The following FOXP2 variants were observed in gnomAD, a reference collection of about 807,000 sequenced individuals.
FOXP2 encodes the protein forkhead box protein P2.
Under a neutral mutation model 115.8 loss-of-function variants are expected in FOXP2, and 12 were observed. The ratio of observed to expected loss-of-function variants is 0.10; its 90% CI spans 0.07 to 0.17. FOXP2 has a LOEUF of 0.17. Ranked by LOEUF, FOXP2 falls within the 10% of genes least tolerant of loss-of-function variation. The pLI is 1.00. For synonymous variants in FOXP2, 328 were observed against 297.7 expected (o/e 1.10, Z -1.05); for missense variants, 629 against 843.5 (o/e 0.75, Z 3.15).
chr7:114,593,868 G>A lies in FOXP2; in HGVS notation c.259-34672G>A, dbSNP rs543541940. On this transcript the variant is annotated intron_variant, in intron 3 of 16. Coordinates refer to ENST00000350908, the MANE Select transcript of FOXP2 (RefSeq NM_014491.4). ...TATATGATGCTAAAAATGTATAGAC[G>A]CTAAATAAATATTTATTAGTTGATT... Among the ~76,000 whole-genome samples the A allele has an allele frequency of 5.9e-5, 9 of 152,014 alleles. No homozygotes were observed. In the South Asian group the frequency reaches 6.2e-4, roughly 11 times the overall value.
At chr7:114,289,618 T>C (rs1225251297) in intron 2 of FOXP2, among the ~76,000 whole-genome samples, 1 of 151,866 alleles carries the variant, frequency 6.6e-6, no homozygotes, top group Non-Finnish European at 1.5e-5. Flanking sequence ...CAGGAAAGAA[T>C]GAATCATGGA....
intron 2 of FOXP2, among the ~76,000 whole-genome samples, chr7:114,353,598 T>C (rs117497463): frequency 0.01 from 1,541 of 152,220 alleles, 12 homozygotes; most frequent in Non-Finnish European, 0.015. Flanking sequence ...TCCATAAACT[T>C]TGACACTTTC....
chr7:114,628,682 T>A lies in FOXP2; in HGVS notation c.396+5T>A, dbSNP rs1380340153. The A allele has an allele frequency of 2.5e-6, 4 of 1,613,848 alleles. No individual in the cohort carries two copies. The African/African-American group carries it at 5.3e-5, about 22-fold the overall frequency. ...CAGGCTGTCATGCTGCAGCAGGTAA[T>A]GTGGGTTACCTGCTTTGGTGTTCTA... On this transcript the variant is annotated splice_donor_5th_base_variant and intron_variant, in intron 4 of 16. Transcript: ENST00000350908.
At chr7:114,089,237 G>C (rs1799494840) in intron 1 of FOXP2, among the ~76,000 whole-genome samples, 1 of 151,978 alleles carries the variant, frequency 6.6e-6, no homozygotes, top group African/African-American at 2.4e-5. Flanking sequence ...CTAGAAACCT[G>C]ATGAAACATC....
chr7:114,504,220 A>G (rs1584818780), intron 2 of FOXP2, among the ~76,000 whole-genome samples: 1 of 151,626 alleles, frequency 6.6e-6, no homozygotes. Flanking sequence ...TACAGTCTGT[A>G]CTCTGCATTA....
intron 3 of FOXP2, among the ~76,000 whole-genome samples, chr7:114,586,463 T>G (rs1328605500): frequency 6.6e-6 from 1 of 152,148 alleles, no homozygotes; most frequent in Non-Finnish European, 1.5e-5. Context: ...TTATAATTTG[T>G]TAAATGACAC....
At chr7:114,208,637 A>G (rs1343325551) in intron 1 of FOXP2, among the ~76,000 whole-genome samples, 3 of 151,988 alleles carry the variant, frequency 2.0e-5, no homozygotes, top group Non-Finnish European at 4.4e-5. Context: ...AGCTCCCACA[A>G]TTCCAATGTG....
intron 1 of FOXP2, among the ~76,000 whole-genome samples, chr7:114,181,658 A>C (rs1025501006): frequency 6.6e-6 from 1 of 152,070 alleles, no homozygotes; most frequent in African/African-American, 2.4e-5. Context: ...TTGAACTTTC[A>C]CATGTCCAAT....
intron 3 of FOXP2, among the ~76,000 whole-genome samples, chr7:114,547,119 A>G (rs942838794): frequency 3.3e-5 from 5 of 152,134 alleles, no homozygotes; most frequent in Non-Finnish European, 5.9e-5. Context: ...TCTCTCTCAT[A>G]TTACTACTTT....
rs867791439 is a variant in FOXP2 at position 114,289,647 on chromosome 7, T to C, written c.-11+1538T>C. 1.7e-4 allele frequency among the ~76,000 whole-genome samples: 26 copies of C among 152,032 alleles called. 1 individual carries two copies. Among genetic ancestry groups the C allele is most frequent in the South Asian group, 6.2e-4 (3 of 4,820 alleles). ...TCATGGAATCATGAAAGAAACTATTTTTTAAAAGTAGAGAATTCCTAGAAG... is the reference window on the plus strand; with the variant it reads ...TCATGGAATCATGAAAGAAACTATTCTTTAAAAGTAGAGAATTCCTAGAAG... On this transcript the variant is annotated intron_variant, in intron 2 of 17. Coordinates refer to the FOXP2 transcript ENST00000634411.
rs548558950 is a variant in FOXP2 at position 114,232,965 on chromosome 7, T to A, written c.-101-55054T>A. Among the ~76,000 whole-genome samples the A allele has an allele frequency of 2.4e-4, 37 of 152,224 alleles. 2 individuals carry two copies. In the South Asian group the frequency reaches 7.5e-3, roughly 31 times the overall value. ...CTCTTATATGAGGTATCTAAAGTAG[T>A]CAAACTCATAAAGCAGAAAATAGCA... On this transcript the variant is annotated intron_variant, in intron 1 of 17. Coordinates refer to the FOXP2 transcript ENST00000634411.
intron 3 of FOXP2, among the ~76,000 whole-genome samples, chr7:114,622,129 G>C (rs918499172): frequency 6.6e-6 from 1 of 151,874 alleles, no homozygotes; most frequent in Non-Finnish European, 1.5e-5. Flanking sequence ...AGCGCAAAAA[G>C]CTGAGAGACT....
intron 2 of FOXP2, among the ~76,000 whole-genome samples, chr7:114,307,787 A>G (rs1797052262): frequency 6.6e-6 from 1 of 152,076 alleles, no homozygotes; most frequent in African/African-American, 2.4e-5. Flanking sequence ...GGGTGGGGAG[A>G]GGATGTTTAG....
At chr7:114,644,832 T>G (rs1805786518) in intron 8 of FOXP2, 43 bp downstream of exon 8, 1 of 1,404,816 alleles carries the variant, frequency 7.1e-7, no homozygotes. Context: ...GGGGCTGGAT[T>G]ATATGGGCAT....
chr7:114,524,033 A>C (rs1437892206), intron 2 of FOXP2, among the ~76,000 whole-genome samples: 1 of 152,206 alleles, frequency 6.6e-6, no homozygotes, highest in Non-Finnish European at 1.5e-5. Context: ...ATTCAAATTT[A>C]ACTGGGAATC....
intron 3 of FOXP2, among the ~76,000 whole-genome samples, chr7:114,614,072 A>G (rs1360766081): frequency 2.0e-5 from 3 of 152,196 alleles, no homozygotes; most frequent in African/African-American, 7.2e-5. Flanking sequence ...AATATGTATA[A>G]CTGAGGATAA....
At chr7:114,386,005 G>C (rs1792440169) in intron 2 of FOXP2, among the ~76,000 whole-genome samples, 1 of 152,224 alleles carries the variant, frequency 6.6e-6, no homozygotes, top group African/African-American at 2.4e-5. Flanking sequence ...CTAGTGTTCA[G>C]CTCGATTAGG....
At chr7:114,564,971 A>G (rs902668923) in intron 3 of FOXP2, among the ~76,000 whole-genome samples, 1 of 151,564 alleles carries the variant, frequency 6.6e-6, no homozygotes, top group African/African-American at 2.4e-5. Flanking sequence ...TAAATATACT[A>G]TTATATCTTA....
intron 13 of FOXP2, among the ~76,000 whole-genome samples, chr7:114,660,168 TC>T (rs1202111822): frequency 6.6e-6 from 1 of 152,126 alleles, no homozygotes; most frequent in African/African-American, 2.4e-5. Context: ...GTGAATATTA[TC>T]CTGTCAGAAC....
Sources: allele counts gnomAD v4.1 joint callset (sites outside exome capture counted in the v4.1 genomes callset), GRCh38; gene constraint gnomAD v4.1.1; transcripts MANE v1.5; gene names NCBI Gene and HGNC (gene_info 2026-07-23, HGNC 2026-07-21).